The following NPRL3 variants were observed in gnomAD, a reference collection of about 807,000 sequenced individuals.
NPRL3 encodes GATOR1 complex protein NPRL3.
In NPRL3, 23 loss-of-function variants were observed where a neutral mutation model predicts 57.2. That is an observed-to-expected ratio of 0.40 (90% CI 0.29 to 0.57). The LOEUF is 0.57. Ranked by LOEUF, NPRL3 falls within the 20% of genes least tolerant of loss-of-function variation. The pLI, the probability that NPRL3 is intolerant of heterozygous loss-of-function variation, is 0.42. For synonymous variants in NPRL3, 333 were observed against 321.1 expected, an observed-to-expected ratio of 1.04 and a Z score of -0.39; for missense variants, 691 against 767.1, an observed-to-expected ratio of 0.90 and a Z score of 1.17.
At chr16:102,123 G>C (rs1006484474) in intron 7 of NPRL3, among the ~76,000 whole-genome samples, 1 of 152,184 alleles carries the variant, frequency 6.6e-6, no homozygotes, top group African/African-American at 2.4e-5. Flanking sequence ...TCCACAGTGG[G>C]GATGCAGCCC....
chr16:88,981 C>A, intron 12 of NPRL3, 91 bp from the exon 13 acceptor site: 2 of 1,156,838 alleles, frequency 1.7e-6, no homozygotes, highest in Non-Finnish European at 1.3e-6. Context: ...CCTCCAATGA[C>A]ACCCCTAACT....
chr16:123,486 G>A, intron 3 of NPRL3: 1 of 470,980 alleles, frequency 2.1e-6, no homozygotes, highest in Non-Finnish European at 4.4e-6. Context: ...CAGAAAGACG[G>A]TGGAGAGGTC....
At chr16:128,165 T>A (rs1414741386) in intron 3 of NPRL3, among the ~76,000 whole-genome samples, 3 of 152,152 alleles carry the variant, frequency 2.0e-5, no homozygotes, top group Non-Finnish European at 4.4e-5. Context: ...CAAATTTTTG[T>A]ATTTTTAGTA....
chr16:134,694 A>ATTATTATTATTATTATTTTTTT (rs1346965930), intron 2 of NPRL3, among the ~76,000 whole-genome samples: 11 of 103,426 alleles, frequency 1.1e-4, no homozygotes, highest in African/African-American at 3.7e-4. Context: ...AATTATTATT[A>ATTATTATTATTATTATTTTTTT]TTTTTTTTTT....
chr16:124,113 GTGAGAAACAGGGTCACACACTCCCCACGC>G (rs1400171421), intron 3 of NPRL3, among the ~76,000 whole-genome samples: 11 of 2,094 alleles, frequency 5.3e-3, no homozygotes, highest in Non-Finnish European at 9.2e-3. Context: ...CTCCCAACAT[GTGAGAAACAGGGTCACACACTCCCCACGC>G]TGAGAAACAG....
At chr16:90,151 C>G in intron 11 of NPRL3, 1 of 476,748 alleles carries the variant, frequency 2.1e-6, no homozygotes, top group South Asian at 2.9e-5. Flanking sequence ...CACCACACAC[C>G]GGGGCCACCC....
In NPRL3 at chr16:85,821, C is replaced by G. The variant is rs891188275; in HGVS notation, c.*884G>C. ...CAAGATTTTTTAATTGTTTAAAAAC[C>G]GAATAAATGTTTTATTTCTAGAAAA... On this transcript the variant is annotated 3_prime_UTR_variant, in exon 14 of 14. Coordinates refer to ENST00000611875, the MANE Select transcript of NPRL3 (RefSeq NM_001077350.3). The G allele has an allele frequency of 9.0e-6, 13 of 1,441,886 alleles. No individual in the cohort carries two copies. The highest frequency in any genetic ancestry group is 1.1e-5 in the Non-Finnish European group (12 of 1,094,884). The allele number at this position is 1,441,886 out of a possible 1,614,324, so 89.3% of individuals were successfully genotyped here.
At chr16:95,350 T>TATATATAC (rs1223611120) in intron 9 of NPRL3, among the ~76,000 whole-genome samples, 127 of 110,966 alleles carry the variant, frequency 1.1e-3, no homozygotes, top group Middle Eastern at 4.9e-3. Context: ...TATATATATA[T>TATATATAC]ACACACACAC....
intron 12 of NPRL3, 95 bp downstream of exon 12, chr16:89,618 C>T (rs557056068): frequency 1.1e-5 from 13 of 1,184,308 alleles, no homozygotes; most frequent in African/African-American, 9.6e-5. Context: ...GTGTGGAGGC[C>T]CCTCATCACT....
At chr16:131,062 C>G (rs536922091) in intron 2 of NPRL3, among the ~76,000 whole-genome samples, 1 of 152,252 alleles carries the variant, frequency 6.6e-6, no homozygotes, top group East Asian at 1.9e-4. Flanking sequence ...TGATAAGGCA[C>G]GGTGGCCCGT....
At chr16:88,919 A>G in intron 12 of NPRL3, 29 bp from the exon 13 acceptor site, 1 of 1,593,588 alleles carries the variant, frequency 6.3e-7, no homozygotes, top group Non-Finnish European at 8.6e-7. Context: ...AGGGTGACCA[A>G]GTGGAATTCC....
At chr16:122,943 T>C (rs1393874606) in intron 3 of NPRL3, among the ~76,000 whole-genome samples, 1 of 152,134 alleles carries the variant, frequency 6.6e-6, no homozygotes, top group Non-Finnish European at 1.5e-5. Context: ...TCAAGGGGAA[T>C]GGAAGAGTCG....
At position 85,846 on chromosome 16, in the gene NPRL3, A is replaced by C; in HGVS notation, c.*859T>G. ...CGAATAAATGTTTTATTTCTAGAAA[A>C]CTGTGCCTTAGCCAGAGCTCCTCTA... is the stretch of plus-strand genomic sequence containing the variant. On this transcript the variant is annotated 3_prime_UTR_variant, in exon 14 of 14. Coordinates refer to ENST00000611875, the MANE Select transcript of NPRL3 (RefSeq NM_001077350.3). 1 of 1,393,620 alleles carries C rather than the reference A, an allele frequency of 7.2e-7. No individual in the cohort carries two copies. The highest frequency in any genetic ancestry group is 9.3e-7 in the Non-Finnish European group (1 of 1,071,458). The allele number at this position is 1,393,620 out of a possible 1,614,324, so 86.3% of individuals were successfully genotyped here.
chr16:105,922 G>A (rs1204725259), intron 7 of NPRL3, among the ~76,000 whole-genome samples: 1 of 152,188 alleles, frequency 6.6e-6, no homozygotes, highest in African/African-American at 2.4e-5. Flanking sequence ...CCTCCTGAGC[G>A]ATTCACATTC....
chr16:100,483 A>C lies in NPRL3; in HGVS notation c.656T>G (p.Leu219Arg). 3.8e-6 allele frequency: 6 copies of C among 1,596,166 alleles called. No homozygotes were observed. Among genetic ancestry groups the C allele is most frequent in the Non-Finnish European group, 5.1e-6 (6 of 1,173,608 alleles). The part of the protein sequence containing the change: ...DSLCTSGVVR[L>R]HINSWLEVSF... ...CACCTCCAGCCAGCTGTTGATGTGAAGCCGAACTACGCCCGACGTGCACAG... is the reference window on the plus strand; with the variant it reads ...CACCTCCAGCCAGCTGTTGATGTGACGCCGAACTACGCCCGACGTGCACAG... Residue 219 changes from leucine (L) to arginine (R), a missense_variant, in exon 8 of 14, where the codon CTT becomes CGT. Leu to Arg is a moderately radical substitution (Grantham distance 102). Transcript: ENST00000611875.
At chr16:112,173 C>T (rs1219315815) in intron 6 of NPRL3, among the ~76,000 whole-genome samples, 1 of 152,222 alleles carries the variant, frequency 6.6e-6, no homozygotes, top group Non-Finnish European at 1.5e-5. Flanking sequence ...CAGGGCTAGG[C>T]AGAGCTGCCT....
chr16:85,609 G>T lies in NPRL3; in HGVS notation c.*1096C>A, dbSNP rs202204500. The stretch of plus-strand genomic sequence containing the variant: ...ACCTGGCACAGGATGAAGCTGTATG[G>T]CTGGAGCGTGGTCCCCTGGAGCCCA... On this transcript the variant is annotated 3_prime_UTR_variant, in exon 14 of 14. Transcript: ENST00000611875. The T allele has an allele frequency of 5.0e-6, 8 of 1,607,924 alleles. No individual in the cohort carries two copies. The African/African-American group carries it at 5.3e-5, about 11-fold the overall frequency.
At chr16:119,073 AGGAGAGCCACATCTGCCCAG>A in intron 4 of NPRL3, 33 bp downstream of exon 4, 1 of 1,520,758 alleles carries the variant, frequency 6.6e-7, no homozygotes, top group Admixed American at 2.0e-5. Flanking sequence ...CACCTGCCCA[AGGAGAGCCACATCTGCCCAG>A]GGAGAGCCCC....
At position 89,866 on chromosome 16, in the gene NPRL3, G is replaced by T. The variant is rs556683821; in HGVS notation, c.1198C>A (p.Arg400Ser). The T allele has an allele frequency of 6.4e-7, 1 of 1,560,160 alleles. No homozygotes were observed. Among genetic ancestry groups the T allele is most frequent in the East Asian group, 2.4e-5 (1 of 41,516 alleles). Residue 400 changes from arginine to serine, a missense_variant, in exon 12 of 14, where the codon CGC becomes AGC. Physicochemically the swap from Arg to Ser is moderately radical, Grantham distance 110 (BLOSUM62 -1). Coordinates refer to ENST00000611875, the MANE Select transcript of NPRL3 (RefSeq NM_001077350.3). ...GTGTGCAGCTGGATGAGAAGCCGGC[G>T]CTGCAGCATCCACACCACCATCTGG... ...LIQMVVWMLQ[R>S]RLLIQLHTYV...
Sources: allele counts gnomAD v4.1 joint callset (sites outside exome capture counted in the v4.1 genomes callset), GRCh38; gene constraint gnomAD v4.1.1; transcripts MANE v1.5; gene names NCBI Gene and HGNC (gene_info 2026-07-23, HGNC 2026-07-21).